The following KLF13 variants were observed in gnomAD, a reference collection of about 807,000 sequenced individuals.
KLF13 encodes the protein KLF transcription factor 13, also known as Krueppel-like factor 13.
In KLF13, 8 loss-of-function variants were observed where a neutral mutation model predicts 16.7. The observed-to-expected ratio is 0.48, with a 90% CI of 0.28 to 0.87. The LOEUF (loss-of-function observed/expected upper bound fraction) is 0.87, where lower values mean the gene tolerates loss of function less well. Ranked by LOEUF, KLF13 falls within the 40% of genes least tolerant of loss-of-function variation. The pLI is 0.10. For missense variants in KLF13, 447 were observed against 452.2 expected (o/e 0.99, Z 0.10); for synonymous variants, 245 against 208.4 (o/e 1.18, Z -1.51).
chr15:31,427,627 C>A (rs1481047072), intron 1 of KLF13, among the ~76,000 whole-genome samples: 3 of 152,158 alleles, frequency 2.0e-5, no homozygotes, highest in Non-Finnish European at 2.9e-5. Context: ...GTGTATGAGT[C>A]ATTTCTCACA....
intron 1 of KLF13, among the ~76,000 whole-genome samples, chr15:31,424,619 A>T (rs1566849217): frequency 6.6e-6 from 1 of 152,154 alleles, no homozygotes; most frequent in African/African-American, 2.4e-5. Flanking sequence ...ATAGAAAGAT[A>T]TTATCTGACC....
At chr15:31,409,835 G>T (rs2040170012) in intron 1 of KLF13, among the ~76,000 whole-genome samples, 1 of 152,004 alleles carries the variant, frequency 6.6e-6, no homozygotes, top group Non-Finnish European at 1.5e-5. Context: ...TAAAAACTGA[G>T]AAAATTTTCT....
chr15:31,394,717 G>C (rs989828229), intron 2 of KLF13, among the ~76,000 whole-genome samples: 1 of 152,096 alleles, frequency 6.6e-6, no homozygotes, highest in Non-Finnish European at 1.5e-5. Context: ...TTGGCCTTTA[G>C]TATATTCACA....
rs369323947 is a variant in KLF13 at position 31,423,149 on chromosome 15, A to ATG, written n.118-12220_118-12219insGT. 2.9e-5 allele frequency among the ~76,000 whole-genome samples: 3 copies of ATG among 102,408 alleles called. 1 individual carries two copies. The highest frequency in any genetic ancestry group is 1.4e-4 in the African/African-American group (2 of 13,872). 67.2% of individuals were successfully genotyped at this position (102,408 alleles called of 152,430 possible). ...TATATATACGTATACGTATACGTAT[A>ATG]TATACGTATATATATGTATATATAT... On this transcript the variant is annotated intron_variant and non_coding_transcript_variant, in intron 1 of 1. Transcript: ENST00000558225.
intron 1 of KLF13, chr15:31,435,271 T>A (rs868503763): frequency 2.0e-5 from 3 of 152,208 alleles, no homozygotes; most frequent in Admixed American, 6.5e-5. Context: ...GTTGTGAGAA[T>A]GACTAGGAGA....
At chr15:31,418,287 G>A (rs542503365) in intron 1 of KLF13, among the ~76,000 whole-genome samples, 1 of 152,166 alleles carries the variant, frequency 6.6e-6, no homozygotes, top group East Asian at 1.9e-4. Flanking sequence ...TTATCTATTT[G>A]AAGAAATTAG....
intron 1 of KLF13, among the ~76,000 whole-genome samples, chr15:31,357,956 C>G (rs1258093679): frequency 6.6e-6 from 1 of 152,138 alleles, no homozygotes; most frequent in Non-Finnish European, 1.5e-5. Context: ...AATCCACTTT[C>G]TTTCATTGTA....
At chr15:31,419,441 A>C (rs538107061) in intron 1 of KLF13, among the ~76,000 whole-genome samples, 1 of 152,304 alleles carries the variant, frequency 6.6e-6, no homozygotes, top group Non-Finnish European at 1.5e-5. Context: ...TGCATTAACA[A>C]AGTGACAATA....
chr15:31,381,157 G>T (rs964892021), downstream of KLF13, among the ~76,000 whole-genome samples: 21 of 124,382 alleles, frequency 1.7e-4, no homozygotes, highest in Middle Eastern at 5.4e-3. Context: ...GGGCGACAGT[G>T]CAAGACTCTG....
At chr15:31,412,419 C>T (rs2040206209) in intron 1 of KLF13, among the ~76,000 whole-genome samples, 1 of 151,636 alleles carries the variant, frequency 6.6e-6, no homozygotes, top group Non-Finnish European at 1.5e-5. Flanking sequence ...AATAATTTGC[C>T]TCTAGTAACA....
intron 1 of KLF13, among the ~76,000 whole-genome samples, chr15:31,420,836 G>T (rs527995617): frequency 1.5e-3 from 227 of 152,050 alleles, no homozygotes; most frequent in African/African-American, 5.4e-3. Flanking sequence ...GGGATTACAA[G>T]CACCTGCCAC....
chr15:31,424,261 ATAC>A (rs2040376767), intron 1 of KLF13, among the ~76,000 whole-genome samples: 1 of 152,172 alleles, frequency 6.6e-6, no homozygotes, highest in Admixed American at 6.5e-5. Flanking sequence ...TTAGACAAAG[ATAC>A]TACAGGTAAA....
chr15:31,351,448 C>T (rs1398972103), intron 1 of KLF13, among the ~76,000 whole-genome samples: 3 of 144,742 alleles, frequency 2.1e-5, no homozygotes, highest in African/African-American at 8.1e-5. Flanking sequence ...AACCCCAAGG[C>T]ACTGACTGGT....
At chr15:31,413,197 A>AAC (rs1555382468) in intron 1 of KLF13, among the ~76,000 whole-genome samples, 83 of 149,520 alleles carry the variant, frequency 5.6e-4, no homozygotes, top group African/African-American at 1.9e-3. Flanking sequence ...CAAAAAAAAA[A>AAC]AAAAACAAAA....
At chr15:31,423,142 T>TATATACGTATATATATACGTATATATAC (rs1566848334) in intron 1 of KLF13, among the ~76,000 whole-genome samples, 1 of 101,854 alleles carries the variant, frequency 9.8e-6, no homozygotes, top group African/African-American at 7.6e-5. Context: ...CGTATACGTA[T>TATATACGTATATATATACGTATATATAC]ACGTATATAT....
intron 1 of KLF13, among the ~76,000 whole-genome samples, chr15:31,369,972 CA>C (rs2039531768): frequency 6.6e-6 from 1 of 151,672 alleles, no homozygotes. Context: ...CTTCTCGCAG[CA>C]GAGGTCTTAA....
chr15:31,369,739 A>G (rs2039528453), intron 1 of KLF13, among the ~76,000 whole-genome samples: 1 of 152,152 alleles, frequency 6.6e-6, no homozygotes, highest in Non-Finnish European at 1.5e-5. Flanking sequence ...CTATTCAGTC[A>G]TGTCTCTAGC....
At position 31,371,991 on chromosome 15, in the gene KLF13, T is replaced by C. The variant is rs1316254237; in HGVS notation, c.578-19T>C. 1 of 1,586,172 alleles carries C rather than the reference T, an allele frequency of 6.3e-7. No individual in the cohort carries two copies. The highest frequency in any genetic ancestry group is 8.6e-7 in the Non-Finnish European group (1 of 1,166,364). ...CGGGGCCAGGTGCGGATACTGATGC[T>C]CTGCCCCTGTGCCCACAGGTGAGAG... On this transcript the variant is annotated intron_variant, in intron 1 of 1. Transcript: ENST00000307145.
At chr15:31,390,112 C>T (rs1157187774), upstream of KLF13, among the ~76,000 whole-genome samples, 1 of 152,094 alleles carries the variant, frequency 6.6e-6, no homozygotes, top group Admixed American at 6.5e-5. Flanking sequence ...GATGTGGCCT[C>T]AGTTTTGCCA....
Sources: gnomAD v4.1 joint callset for allele counts (sites outside exome capture counted in the v4.1 genomes callset) on GRCh38, gnomAD v4.1.1 for gene constraint, MANE v1.5 for transcripts, NCBI Gene and HGNC (gene_info 2026-07-23, HGNC 2026-07-21) for gene names.